The following SLC25A21 variants were observed in gnomAD, a reference collection of about 807,000 sequenced individuals.
SLC25A21 encodes the protein mitochondrial 2-oxodicarboxylate carrier.
A neutral mutation model predicts 43.8 loss-of-function variants in SLC25A21; 47 were observed. The observed-to-expected ratio is 1.07, with a 90% CI of 0.85 to 1.37. SLC25A21 has a LOEUF of 1.37. Among genes scored for constraint, SLC25A21 ranks in the 40% most tolerant of loss-of-function variants. The probability of loss-of-function intolerance (pLI) is 0.00; values close to 1 mark genes in which losing one functional copy is unlikely to be tolerated. For synonymous variants in SLC25A21, 131 were observed against 121.3 expected, an observed-to-expected ratio of 1.08 and a Z score of -0.52; for missense variants, 352 against 350.2, an observed-to-expected ratio of 1.00 and a Z score of -0.04.
At chr14:36,758,790 G>A (rs984360132) in intron 3 of SLC25A21, among the ~76,000 whole-genome samples, 1 of 152,090 alleles carries the variant, frequency 6.6e-6, no homozygotes, top group Non-Finnish European at 1.5e-5. Flanking sequence ...TGAGGGAACC[G>A]AATTCTTTGG....
chr14:37,096,751 G>A (rs77966255), intron 1 of SLC25A21, among the ~76,000 whole-genome samples: 7,413 of 151,898 alleles, frequency 0.049, 603 homozygotes, highest in African/African-American at 0.17. Context: ...TTCTCTGATC[G>A]AATTTTGAAT....
chr14:37,005,225 A>G (rs146130493), intron 1 of SLC25A21, among the ~76,000 whole-genome samples: 2 of 148,512 alleles, frequency 1.3e-5, no homozygotes, highest in Non-Finnish European at 3.0e-5. Context: ...CACACACACC[A>G]CGATAAAAAG....
chr14:37,001,484 A>G (rs924870201), intron 1 of SLC25A21, among the ~76,000 whole-genome samples: 2 of 152,154 alleles, frequency 1.3e-5, no homozygotes, highest in African/African-American at 4.8e-5. Flanking sequence ...TGAGCTCTTC[A>G]TTCTGCTGTT....
intron 1 of SLC25A21, among the ~76,000 whole-genome samples, chr14:37,155,887 G>T (rs1963839563): frequency 6.6e-6 from 1 of 152,122 alleles, no homozygotes; most frequent in South Asian, 2.1e-4. Flanking sequence ...GCCCAGCCCT[G>T]ATGGTTCATG....
At chr14:37,001,705 T>C (rs1960493867) in intron 1 of SLC25A21, among the ~76,000 whole-genome samples, 1 of 152,160 alleles carries the variant, frequency 6.6e-6, no homozygotes, top group Admixed American at 6.6e-5. Flanking sequence ...GTAAGACACA[T>C]TGCCTACTCA....
At chr14:37,159,753 T>C (rs1258028528) in intron 1 of SLC25A21, among the ~76,000 whole-genome samples, 13 of 152,110 alleles carry the variant, frequency 8.5e-5, no homozygotes, top group Admixed American at 7.9e-4. Flanking sequence ...AGCTTCTGCA[T>C]AGCAAAAGAA....
rs144341582 is a variant in SLC25A21 at position 36,694,531 on chromosome 14, T to C, written c.604-9606A>G. 5.2e-3 allele frequency among the ~76,000 whole-genome samples: 796 copies of C among 152,322 alleles called. 10 individuals carry two copies. The highest frequency in any genetic ancestry group is 0.018 in the African/African-American group (758 of 41,568). Reference sequence around the variant, plus strand: ...AACTAATTTACACTCCCACCAACAGTGTAAAAGCGTTCCTATTTCTCCACA... The same window carrying C: ...AACTAATTTACACTCCCACCAACAGCGTAAAAGCGTTCCTATTTCTCCACA... On this transcript the variant is annotated intron_variant, in intron 7 of 9. Coordinates refer to ENST00000331299, the MANE Select transcript of SLC25A21 (RefSeq NM_030631.4).
At chr14:36,825,137 T>G (rs1888779922) in intron 2 of SLC25A21, among the ~76,000 whole-genome samples, 3 of 152,204 alleles carry the variant, frequency 2.0e-5, no homozygotes. Flanking sequence ...TCTGTCTATA[T>G]TCATCTATTC....
chr14:37,010,162 T>G (rs928503406), intron 1 of SLC25A21, among the ~76,000 whole-genome samples: 1 of 152,204 alleles, frequency 6.6e-6, no homozygotes, highest in Non-Finnish European at 1.5e-5. Flanking sequence ...AGATGAAACG[T>G]GTAACCAAAT....
chr14:36,938,450 G>A (rs1427747712), intron 1 of SLC25A21, among the ~76,000 whole-genome samples: 5 of 152,124 alleles, frequency 3.3e-5, no homozygotes, highest in Non-Finnish European at 5.9e-5. Flanking sequence ...CTCAGTCTCT[G>A]GACAGCCTTA....
chr14:36,744,600 T>C (rs990810577), intron 3 of SLC25A21, among the ~76,000 whole-genome samples: 11 of 42,034 alleles, frequency 2.6e-4, no homozygotes, highest in African/African-American at 2.4e-3. Flanking sequence ...AAAAGAAATA[T>C]AGGAGAAATT....
intron 1 of SLC25A21, among the ~76,000 whole-genome samples, chr14:37,136,594 C>T (rs1963483624): frequency 1.3e-5 from 2 of 152,090 alleles, no homozygotes; most frequent in Admixed American, 1.3e-4. Flanking sequence ...AAAACCTGCA[C>T]ACAAATGTTA....
intron 1 of SLC25A21, among the ~76,000 whole-genome samples, chr14:36,981,352 G>A (rs7143069): frequency 0.2 from 30,650 of 152,104 alleles, 3,322 homozygotes; most frequent in East Asian, 0.35. Context: ...ATACCCAGAG[G>A]ATTATAAATT....
intron 1 of SLC25A21, among the ~76,000 whole-genome samples, chr14:37,004,055 T>C (rs971532199): frequency 1.4e-4 from 21 of 152,218 alleles, no homozygotes; most frequent in African/African-American, 5.1e-4. Context: ...CCACCAGGCA[T>C]CATTCCAGCA....
chr14:36,727,404 T>A (rs1273711589), intron 5 of SLC25A21, among the ~76,000 whole-genome samples: 1 of 152,196 alleles, frequency 6.6e-6, no homozygotes, highest in African/African-American at 2.4e-5. Flanking sequence ...AAAGGAAGAA[T>A]GGGCCAGGTG....
intron 7 of SLC25A21, among the ~76,000 whole-genome samples, chr14:36,695,541 G>A (rs1451369644): frequency 6.6e-6 from 1 of 152,194 alleles, no homozygotes; most frequent in Non-Finnish European, 1.5e-5. Context: ...TCCTATCCAT[G>A]AGCATGGAAT....
chr14:36,779,449 A>T (rs1886959406), intron 3 of SLC25A21, among the ~76,000 whole-genome samples: 1 of 131,760 alleles, frequency 7.6e-6, no homozygotes, highest in East Asian at 2.3e-4. Context: ...TTTAAAAAAA[A>T]GAAGGAATTA....
chr14:37,058,854 T>G (rs116823776), intron 1 of SLC25A21, among the ~76,000 whole-genome samples: 2 of 152,148 alleles, frequency 1.3e-5, no homozygotes, highest in Non-Finnish European at 2.9e-5. Flanking sequence ...ACTTAGAACC[T>G]TGCTTGGTCT....
At chr14:36,775,742 G>T (rs1048721802) in intron 3 of SLC25A21, among the ~76,000 whole-genome samples, 8 of 152,178 alleles carry the variant, frequency 5.3e-5, no homozygotes, top group African/African-American at 1.9e-4. Flanking sequence ...GGCTGTGAGT[G>T]ACCTTTGTGC....
Sources: gnomAD v4.1 joint callset for allele counts (sites outside exome capture counted in the v4.1 genomes callset) on GRCh38, gnomAD v4.1.1 for gene constraint, MANE v1.5 for transcripts, NCBI Gene and HGNC (gene_info 2026-07-23, HGNC 2026-07-21) for gene names.